Variants in ZHX3 observed in about 807,000 individuals in gnomAD.
The protein encoded by ZHX3 is zinc fingers and homeoboxes protein 3.
A neutral mutation model predicts 64.5 loss-of-function variants in ZHX3; 20 were observed. That is an observed-to-expected ratio of 0.31 (90% CI 0.22 to 0.45). ZHX3 has a LOEUF of 0.45. ZHX3 is among the 20% of genes least tolerant of loss of function. The pLI is 1.00. For missense variants in ZHX3, 1,041 were observed against 1,195.8 expected, an observed-to-expected ratio of 0.87 and a Z score of 1.91; for synonymous variants, 423 against 461.6, an observed-to-expected ratio of 0.92 and a Z score of 1.07.
At chr20:41,291,282 C>T (rs1157209971) in intron 1 of ZHX3, among the ~76,000 whole-genome samples, 1 of 152,086 alleles carries the variant, frequency 6.6e-6, no homozygotes, top group Admixed American at 6.6e-5. Context: ...ACAGAAGTCA[C>T]AACAAATCTT....
At chr20:41,260,250 G>A (rs2042490787) in intron 2 of ZHX3, among the ~76,000 whole-genome samples, 1 of 151,720 alleles carries the variant, frequency 6.6e-6, no homozygotes. Context: ...TCTGGCCAAT[G>A]CAGCAAGACA....
In ZHX3 at chr20:41,203,496, T is replaced by C. The variant is rs202173471; in HGVS notation, c.1421A>G (p.Asn474Ser). The C allele has an allele frequency of 1.1e-4, 185 of 1,614,220 alleles. No individual in the cohort carries two copies. The highest frequency in any genetic ancestry group is 5.8e-4 in the South Asian group (53 of 91,082). Reference sequence around the variant, plus strand: ...GGCCGTGAGGAGCGACTGGGCCGCATTGACCACCTTCACAGCTGACGTTGT... The same window carrying C: ...GGCCGTGAGGAGCGACTGGGCCGCACTGACCACCTTCACAGCTGACGTTGT... Reference protein sequence around the residue: ...SNTTSAVKVVNAAQSLLTACP... With the variant: ...SNTTSAVKVVSAAQSLLTACP... Residue 474 changes from asparagine to serine, a missense_variant, in exon 3 of 4, where the codon AAT becomes AGT. Asn to Ser is a conservative substitution (Grantham distance 46). This residue lies in a region of ZHX3 where 649 missense variants were observed against 739.8 expected (regional missense o/e 0.88). Transcript: ENST00000683867. This position sits in a 1 kb window ranked among gnomAD's most constrained non-coding sequence, Gnocchi z 7.1.
At chr20:41,225,320 C>G (rs2040193423) in intron 2 of ZHX3, among the ~76,000 whole-genome samples, 1 of 152,226 alleles carries the variant, frequency 6.6e-6, no homozygotes, top group Non-Finnish European at 1.5e-5. Flanking sequence ...ACTGCAGCTA[C>G]TGCTACTGTT....
chr20:41,272,481 C>T (rs1160442605), intron 1 of ZHX3, among the ~76,000 whole-genome samples: 1 of 152,144 alleles, frequency 6.6e-6, no homozygotes, highest in Admixed American at 6.5e-5. Context: ...GAAATATTTT[C>T]ATCACCCCAA....
chr20:41,250,354 C>A (rs1025296702), intron 2 of ZHX3, among the ~76,000 whole-genome samples: 1 of 152,228 alleles, frequency 6.6e-6, no homozygotes, highest in Non-Finnish European at 1.5e-5. Flanking sequence ...GACCCAGACT[C>A]TCTTAATAGA....
chr20:41,179,129 G>A lies in ZHX3; in HGVS notation c.*6062C>T, dbSNP rs2235363. 0.042 allele frequency: 6,440 copies of A among 152,358 alleles called. 770 individuals are homozygous for A. The East Asian group carries it at 0.49, about 12-fold the overall frequency. 9.4% of individuals were successfully genotyped at this position (152,358 alleles called of 1,614,324 possible). A position where few individuals can be genotyped will look rare whatever the true frequency, so the allele number is the denominator to read the frequency against. On this transcript the variant is annotated 3_prime_UTR_variant, in exon 4 of 4. Coordinates refer to ENST00000683867, the MANE Select transcript of ZHX3 (RefSeq NM_001384317.1). This position sits in a 1 kb window ranked among gnomAD's most constrained non-coding sequence, Gnocchi z 4.3. ...CTGACTTCCACAAAGGCTGCCCTCAGTAAAACTCAATGAACAATGGCCAGC... is the reference window on the plus strand; with the variant it reads ...CTGACTTCCACAAAGGCTGCCCTCAATAAAACTCAATGAACAATGGCCAGC...
intron 1 of ZHX3, among the ~76,000 whole-genome samples, chr20:41,276,639 G>A (rs543274460): frequency 2.6e-5 from 4 of 152,272 alleles, no homozygotes; most frequent in East Asian, 1.9e-4. Context: ...TGAGGCGTCC[G>A]CCTGGGACTT....
At chr20:41,252,163 G>C (rs1464025943) in intron 2 of ZHX3, among the ~76,000 whole-genome samples, 1 of 152,162 alleles carries the variant, frequency 6.6e-6, no homozygotes, top group African/African-American at 2.4e-5. Flanking sequence ...CAAAAGACCA[G>C]AGGCACAGGG....
intron 2 of ZHX3, among the ~76,000 whole-genome samples, chr20:41,220,514 TTTA>T (rs2039863464): frequency 6.6e-6 from 1 of 152,158 alleles, no homozygotes; most frequent in African/African-American, 2.4e-5. Flanking sequence ...TCTTTATAAT[TTTA>T]TTCTTAGATT....
intron 1 of ZHX3, among the ~76,000 whole-genome samples, chr20:41,279,128 A>C (rs751555351): frequency 2.0e-5 from 3 of 152,146 alleles, no homozygotes; most frequent in Non-Finnish European, 4.4e-5. Flanking sequence ...ACCCATGATT[A>C]CTTCCTTGGG....
chr20:41,206,595 G>A (rs902936915), intron 2 of ZHX3, among the ~76,000 whole-genome samples: 12 of 152,140 alleles, frequency 7.9e-5, no homozygotes, highest in Non-Finnish European at 1.5e-5. Flanking sequence ...GAGAAGTTTA[G>A]AGAGAAAAGA....
At chr20:41,234,584 G>A (rs924297660) in intron 2 of ZHX3, among the ~76,000 whole-genome samples, 9 of 152,236 alleles carry the variant, frequency 5.9e-5, no homozygotes, top group Non-Finnish European at 7.3e-5. Flanking sequence ...AAAGGTAACA[G>A]GGAACTGGCT....
rs532506728 is a variant in ZHX3, at chr20:41,219,796, G to A, written c.-150-14730C>T. 5.9e-5 allele frequency among the ~76,000 whole-genome samples: 9 copies of A among 152,326 alleles called. No individual in the cohort carries two copies. The highest frequency in any genetic ancestry group is 8.8e-5 in the Non-Finnish European group (6 of 68,028). ...TGAAGTTAGGTGAAACCAATGAAAC[G>A]TGAACAAATGTGTCACCTCCAGGGG... is the stretch of plus-strand genomic sequence containing the variant. On this transcript the variant is annotated intron_variant, in intron 2 of 3. Transcript: ENST00000683867. The surrounding 1 kb of genome is among the most constrained non-coding windows in gnomAD (Gnocchi z 5.0).
intron 2 of ZHX3, among the ~76,000 whole-genome samples, chr20:41,213,015 T>C (rs1270977164): frequency 1.3e-5 from 2 of 152,170 alleles, no homozygotes; most frequent in East Asian, 1.9e-4. Context: ...ATCCATACGA[T>C]GAATTCTTCA....
intron 1 of ZHX3, among the ~76,000 whole-genome samples, chr20:41,303,502 G>A (rs746009506): frequency 6.6e-6 from 1 of 152,192 alleles, no homozygotes; most frequent in Non-Finnish European, 1.5e-5. Flanking sequence ...GGCTATCAGT[G>A]GATACCAATG....
chr20:41,189,710 T>TACC (rs2036839402), intron 3 of ZHX3, among the ~76,000 whole-genome samples: 1 of 152,356 alleles, frequency 6.6e-6, no homozygotes, highest in African/African-American at 2.4e-5. Context: ...TGAATTTGCT[T>TACC]ACCAGCTTTA....
At chr20:41,284,924 T>C (rs1361714949) in intron 1 of ZHX3, among the ~76,000 whole-genome samples, 1 of 152,164 alleles carries the variant, frequency 6.6e-6, no homozygotes, top group African/African-American at 2.4e-5. Flanking sequence ...ACTTGCCTCA[T>C]AGTTTTTCCC....
At chr20:41,272,292 A>G (rs937732733) in intron 1 of ZHX3, 4 of 152,246 alleles carry the variant, frequency 2.6e-5, no homozygotes, top group African/African-American at 9.6e-5. Flanking sequence ...CAACAGTCAC[A>G]AGGTAACTAT....
chr20:41,245,428 G>A (rs1189156761), intron 2 of ZHX3, among the ~76,000 whole-genome samples: 1 of 152,242 alleles, frequency 6.6e-6, no homozygotes, highest in East Asian at 1.9e-4. Context: ...ATCTGTGTCA[G>A]GTGCTGTGCT....
Sources: gnomAD v4.1 joint callset for allele counts (sites outside exome capture counted in the v4.1 genomes callset) on GRCh38, gnomAD v4.1.1 for gene constraint, gnomAD v4.1.1 regional missense constraint, Gnocchi (gnomAD v3.1) non-coding constraint, MANE v1.5 for transcripts, NCBI Gene and HGNC (gene_info 2026-07-23, HGNC 2026-07-21) for gene names.